The following RAB37 variants were observed in gnomAD, a reference collection of about 807,000 sequenced individuals.
The protein encoded by RAB37 is RAB37, member RAS oncogene family, also known as ras-related protein Rab-37.
In RAB37, 29 loss-of-function variants were observed where a neutral mutation model predicts 33.1. That is an observed-to-expected ratio of 0.88 (90% confidence interval 0.65 to 1.20). The LOEUF (loss-of-function observed/expected upper bound fraction) is 1.20, where lower values mean the gene tolerates loss of function less well. Ranked by LOEUF, RAB37 falls within the 50% of genes most tolerant of loss-of-function variation. The pLI is 0.00. For synonymous variants in RAB37, 128 were observed against 119.5 expected, an observed-to-expected ratio of 1.07 and a Z score of -0.47; for missense variants, 299 against 301.1, an observed-to-expected ratio of 0.99 and a Z score of 0.05.
At chr17:74,696,340 G>A in intron 1 of RAB37, 3 of 1,001,086 alleles carry the variant, frequency 3.0e-6, no homozygotes, top group Non-Finnish European at 2.9e-6. Flanking sequence ...CAGAGACAGG[G>A]ACCTGGTTCT....
At chr17:74,692,918 C>T (rs1282365517) in intron 1 of RAB37, among the ~76,000 whole-genome samples, 1 of 152,190 alleles carries the variant, frequency 6.6e-6, no homozygotes, top group Non-Finnish European at 1.5e-5. Context: ...CATTTGAGAA[C>T]CCATCATGTG....
intron 1 of RAB37, among the ~76,000 whole-genome samples, chr17:74,684,265 ATT>A (rs201648484): frequency 1.6e-4 from 21 of 134,208 alleles, no homozygotes; most frequent in East Asian, 4.3e-4. Context: ...AGCCCTGTTA[ATT>A]TTTTTTTTTT....
intron 1 of RAB37, among the ~76,000 whole-genome samples, chr17:74,702,743 C>T (rs1341556334): frequency 6.6e-6 from 1 of 152,180 alleles, no homozygotes; most frequent in African/African-American, 2.4e-5. Context: ...TGTCTGTGTC[C>T]CCAGAGCTCA....
chr17:74,717,535 G>A (rs1011226484), intron 1 of RAB37, among the ~76,000 whole-genome samples: 6 of 152,114 alleles, frequency 3.9e-5, no homozygotes, highest in African/African-American at 7.2e-5. Context: ...AGGGCTGGGC[G>A]CGGTGGCTCA....
intron 1 of RAB37, among the ~76,000 whole-genome samples, chr17:74,699,511 C>T (rs1393168682): frequency 2.0e-5 from 3 of 152,098 alleles, no homozygotes; most frequent in Admixed American, 2.0e-4. Flanking sequence ...GACACATAAA[C>T]ACACACAGGA....
chr17:74,733,150 G>A (rs1161725872), upstream of RAB37, among the ~76,000 whole-genome samples: 1 of 152,066 alleles, frequency 6.6e-6, no homozygotes, highest in East Asian at 1.9e-4. Context: ...GCCTGGAGCT[G>A]CACTGTGGTG....
chr17:74,684,516 G>A (rs1003286257), intron 1 of RAB37, among the ~76,000 whole-genome samples: 10 of 152,114 alleles, frequency 6.6e-5, no homozygotes, highest in African/African-American at 2.4e-4. Flanking sequence ...GACTGCGCAC[G>A]GTGGCTTACG....
Position 74,671,527 on chromosome 17 carries a change from C to A in RAB37, c.-60C>A. 6.4e-7 allele frequency: 1 copy of A among 1,554,344 alleles called. No homozygotes were observed. The highest frequency in any genetic ancestry group is 8.9e-7 in the Non-Finnish European group (1 of 1,128,078). ...CGCACCCAGCGGAGCTCGAACCGAG[C>A]TCCTGGAAGCGCTGACGCAGAGCGC... is the stretch of plus-strand genomic sequence containing the variant. On this transcript the variant is annotated 5_prime_UTR_variant, in exon 1 of 8. Coordinates refer to the RAB37 transcript ENST00000340415. The surrounding 1 kb of genome is among the most constrained non-coding windows in gnomAD (Gnocchi z 5.0).
intron 1 of RAB37, among the ~76,000 whole-genome samples, chr17:74,713,502 G>A (rs1454343149): frequency 6.6e-6 from 1 of 152,176 alleles, no homozygotes; most frequent in East Asian, 1.9e-4. Flanking sequence ...GATCCACTGG[G>A]TCTGGCCAGC....
intron 1 of RAB37, among the ~76,000 whole-genome samples, chr17:74,720,975 G>A (rs113443504): frequency 3.3e-5 from 5 of 152,136 alleles, no homozygotes; most frequent in Admixed American, 6.5e-5. Context: ...CTCTGAAGCC[G>A]TGCCATCTGA....
At chr17:74,720,470 A>G (rs2034224362) in intron 1 of RAB37, among the ~76,000 whole-genome samples, 1 of 151,986 alleles carries the variant, frequency 6.6e-6, no homozygotes, top group South Asian at 2.1e-4. Flanking sequence ...GGGTGCCTAT[A>G]ATCCCAGCTA....
chr17:74,736,441 CCTGGGATAT>C, upstream of RAB37: 1 of 730,944 alleles, frequency 1.4e-6, no homozygotes, highest in Non-Finnish European at 1.7e-6. Context: ...CTGCCGGGTG[CCTGGGATAT>C]CCTGGCAGCT....
rs796585785 is a variant in RAB37 at position 74,718,407 on chromosome 17, T to C, written c.73-10849T>C. Among the ~76,000 whole-genome samples the C allele has an allele frequency of 1.9e-4, 29 of 152,012 alleles. 1 individual carries two copies. The highest frequency in any genetic ancestry group is 7.0e-4 in the African/African-American group (29 of 41,434). ...TTTGTTATAGCAGCCGGGACTAAGATAGTGGGTTAGAGAAAAAAAAAGGGC... is the reference window on the plus strand; with the variant it reads ...TTTGTTATAGCAGCCGGGACTAAGACAGTGGGTTAGAGAAAAAAAAAGGGC... On this transcript the variant is annotated intron_variant, in intron 1 of 7. Coordinates refer to the RAB37 transcript ENST00000340415.
At chr17:74,691,688 T>G (rs1474897778) in intron 1 of RAB37, among the ~76,000 whole-genome samples, 1 of 152,198 alleles carries the variant, frequency 6.6e-6, no homozygotes, top group Non-Finnish European at 1.5e-5. Context: ...TAATCTTCAC[T>G]GGGATCTATG....
chr17:74,736,530 G>A, upstream of RAB37: 1 of 1,455,822 alleles, frequency 6.9e-7, no homozygotes, highest in Non-Finnish European at 9.0e-7. Context: ...AGTGTCATGG[G>A]TTAATAAGGC....
At chr17:74,715,264 C>T (rs2034151442) in intron 1 of RAB37, among the ~76,000 whole-genome samples, 1 of 152,218 alleles carries the variant, frequency 6.6e-6, no homozygotes, top group Admixed American at 6.5e-5. Context: ...GCAACCCCCT[C>T]ACACCCTAAT....
intron 1 of RAB37, among the ~76,000 whole-genome samples, chr17:74,728,216 G>T (rs1475070693): frequency 4.6e-5 from 7 of 151,864 alleles, no homozygotes; most frequent in Non-Finnish European, 1.0e-4. Context: ...CTGTGTGTTT[G>T]CATGTGTGCT....
At chr17:74,712,841 A>G in intron 1 of RAB37, 1 of 1,614,012 alleles carries the variant, frequency 6.2e-7, no homozygotes, top group Non-Finnish European at 8.5e-7. Context: ...CCAGAAGAGG[A>G]GCAGGTAGAG....
Position 74,744,307 on chromosome 17 carries a change from G to T in RAB37, c.367-1G>T. ...CCAGTCTCGCACGCCCTCTCCCACA[G>T]GCCTGGCTCACTGAGATTCATGAGT... is the stretch of plus-strand genomic sequence containing the variant. On this transcript the variant is annotated splice_acceptor_variant, in intron 5 of 8. Transcript: ENST00000392613. LOFTEE classifies it high-confidence loss of function. The surrounding 1 kb of genome is among the most constrained non-coding windows in gnomAD (Gnocchi z 4.2). The T allele has an allele frequency of 6.2e-7, 1 of 1,613,558 alleles. No individual in the cohort carries two copies. Among genetic ancestry groups the T allele is most frequent in the Non-Finnish European group, 8.5e-7 (1 of 1,179,712 alleles).
Sources: allele counts gnomAD v4.1 joint callset (sites outside exome capture counted in the v4.1 genomes callset), GRCh38; gene constraint gnomAD v4.1.1; non-coding constraint Gnocchi (gnomAD v3.1); transcripts MANE v1.5; gene names NCBI Gene and HGNC (gene_info 2026-07-23, HGNC 2026-07-21).